Variants in IGSF11 observed in about 807,000 individuals in gnomAD.
The protein encoded by IGSF11 is CXADR like 1.
IGSF11 carries 22 observed loss-of-function variants against 41.0 expected under a neutral mutation model. The observed-to-expected ratio is 0.54, with a 90% CI of 0.38 to 0.77. IGSF11 has a LOEUF of 0.77. IGSF11 is among the 30% of genes least tolerant of loss of function. The pLI is 0.00. For missense variants in IGSF11, 444 were observed against 530.8 expected, an observed-to-expected ratio of 0.84 and a Z score of 1.61; for synonymous variants, 219 against 201.3, an observed-to-expected ratio of 1.09 and a Z score of -0.74.
intron 1 of IGSF11, among the ~76,000 whole-genome samples, chr3:118,992,113 C>T (rs1047216984): frequency 2.6e-5 from 4 of 152,140 alleles, no homozygotes; most frequent in African/African-American, 9.7e-5. Flanking sequence ...TCAGTACTTT[C>T]CAGCAAGAAT....
chr3:118,971,628 C>A (rs1176061118), intron 1 of IGSF11, among the ~76,000 whole-genome samples: 2 of 151,974 alleles, frequency 1.3e-5, no homozygotes, highest in African/African-American at 4.8e-5. Context: ...GATGGTGAAA[C>A]CCCGTCTCTA....
At chr3:118,909,351 C>T (rs958084945) in intron 4 of IGSF11, among the ~76,000 whole-genome samples, 3 of 151,924 alleles carry the variant, frequency 2.0e-5, no homozygotes, top group Non-Finnish European at 4.4e-5. Flanking sequence ...GAATATGTTA[C>T]ATCAAAATTA....
At chr3:119,137,959 G>A (rs566104721) in intron 1 of IGSF11, among the ~76,000 whole-genome samples, 11 of 148,468 alleles carry the variant, frequency 7.4e-5, no homozygotes, top group African/African-American at 2.5e-4. Context: ...ATGAAAAAGT[G>A]CACAACATCA....
At chr3:118,906,309 T>G (rs1426396391) in intron 4 of IGSF11, among the ~76,000 whole-genome samples, 1 of 152,010 alleles carries the variant, frequency 6.6e-6, no homozygotes, top group East Asian at 1.9e-4. Flanking sequence ...AGCCTCAGAC[T>G]TCGGTGTAGA....
chr3:119,027,320 A>C (rs1939920566), intron 1 of IGSF11, among the ~76,000 whole-genome samples: 1 of 152,214 alleles, frequency 6.6e-6, no homozygotes, highest in African/African-American at 2.4e-5. Flanking sequence ...AATACCAAAG[A>C]TGAATATCCA....
At chr3:119,076,374 C>G (rs2076499575) in intron 1 of IGSF11, among the ~76,000 whole-genome samples, 1 of 152,176 alleles carries the variant, frequency 6.6e-6, no homozygotes, top group Admixed American at 6.5e-5. Flanking sequence ...GTCTAAAACA[C>G]AAAAAGCAAT....
At chr3:119,052,054 C>T (rs1365105936) in intron 1 of IGSF11, among the ~76,000 whole-genome samples, 1 of 151,996 alleles carries the variant, frequency 6.6e-6, no homozygotes, top group African/African-American at 2.4e-5. Context: ...ACAATCTAAG[C>T]TCACACCTCA....
rs963278334 is a variant in IGSF11, at chr3:119,084,596, A to T, written c.49+20548T>A. On this transcript the variant is annotated intron_variant, in intron 1 of 6. Transcript: ENST00000354673. ...CCAGCTAATCACCAGGAAGAAAGCA[A>T]GGCTTTCTTCTACATGGGACTGGGG... is the stretch of plus-strand genomic sequence containing the variant. Among the ~76,000 whole-genome samples, 226 of 152,300 alleles carry T rather than the reference A, an allele frequency of 1.5e-3. 1 individual carries two copies. The highest frequency in any genetic ancestry group is 5.3e-3 in the African/African-American group (221 of 41,564).
intron 1 of IGSF11, among the ~76,000 whole-genome samples, chr3:119,087,127 T>A (rs1197108135): frequency 1.3e-5 from 2 of 152,100 alleles, no homozygotes; most frequent in Non-Finnish European, 2.9e-5. Flanking sequence ...AAACAGACTT[T>A]AAAGCAATAA....
At chr3:119,028,394 G>T (rs573384973) in intron 1 of IGSF11, among the ~76,000 whole-genome samples, 1 of 152,046 alleles carries the variant, frequency 6.6e-6, no homozygotes, top group South Asian at 2.1e-4. Context: ...AGTAATGTAG[G>T]GAAAAAGAGG....
At position 119,027,857 on chromosome 3, in the gene IGSF11, G is replaced by A. The variant is rs536771239; in HGVS notation, c.52+6674C>T. 1.8e-4 allele frequency among the ~76,000 whole-genome samples: 28 copies of A among 152,246 alleles called. 1 individual carries two copies. The South Asian group carries it at 5.8e-3, about 31-fold the overall frequency. On this transcript the variant is annotated intron_variant, in intron 1 of 6. Coordinates refer to ENST00000393775, the MANE Select transcript of IGSF11 (RefSeq NM_001015887.3). ...ATTTACACATGGGCAATATACATAAGTGAACTGTACCAATAAATAAGTACA... is the reference window on the plus strand; with the variant it reads ...ATTTACACATGGGCAATATACATAAATGAACTGTACCAATAAATAAGTACA...
upstream of IGSF11, among the ~76,000 whole-genome samples, chr3:119,036,897 A>C (rs1213659837): frequency 6.6e-6 from 1 of 152,134 alleles, no homozygotes; most frequent in Non-Finnish European, 1.5e-5. Context: ...GAAAAAAAAA[A>C]GTGTGGCTTC....
intron 1 of IGSF11, among the ~76,000 whole-genome samples, chr3:119,073,875 C>T (rs2076446757): frequency 6.6e-6 from 1 of 152,250 alleles, no homozygotes; most frequent in Admixed American, 6.5e-5. Flanking sequence ...TGAAGGGCTC[C>T]TCAATCATGG....
chr3:119,058,882 C>G (rs1346940604), intron 1 of IGSF11, among the ~76,000 whole-genome samples: 1 of 151,972 alleles, frequency 6.6e-6, no homozygotes. Flanking sequence ...GGACAAAAAA[C>G]CAAACACCAC....
intron 1 of IGSF11, among the ~76,000 whole-genome samples, chr3:119,001,640 G>A (rs1173688053): frequency 9.2e-6 from 1 of 108,726 alleles, no homozygotes; most frequent in Non-Finnish European, 1.8e-5. Context: ...CCCCACAACA[G>A]TCCCCAGAGT....
chr3:118,974,460 G>A (rs1032846713), intron 1 of IGSF11, among the ~76,000 whole-genome samples: 1 of 152,164 alleles, frequency 6.6e-6, no homozygotes, highest in African/African-American at 2.4e-5. Flanking sequence ...AGGGTGATTA[G>A]GAAGAACAGT....
At chr3:119,108,119 G>A (rs2077068958), upstream of IGSF11, among the ~76,000 whole-genome samples, 1 of 150,484 alleles carries the variant, frequency 6.6e-6, no homozygotes, top group Non-Finnish European at 1.5e-5. Flanking sequence ...TTCCAATTCT[G>A]TGAAGAAAGT....
At chr3:119,078,069 G>C (rs1480585174) in intron 1 of IGSF11, among the ~76,000 whole-genome samples, 1 of 151,972 alleles carries the variant, frequency 6.6e-6, no homozygotes, top group Non-Finnish European at 1.5e-5. Context: ...AGAAAACATC[G>C]ATATTATTAA....
intron 1 of IGSF11, among the ~76,000 whole-genome samples, chr3:119,117,329 G>A (rs1340310071): frequency 6.6e-6 from 1 of 152,162 alleles, no homozygotes; most frequent in African/African-American, 2.4e-5. Flanking sequence ...TGGACTTACA[G>A]TTCCACTGGC....
Sources: gnomAD v4.1 joint callset for allele counts (sites outside exome capture counted in the v4.1 genomes callset) on GRCh38, gnomAD v4.1.1 for gene constraint, MANE v1.5 for transcripts, NCBI Gene and HGNC (gene_info 2026-07-23, HGNC 2026-07-21) for gene names.